The following CRYM variants were observed in gnomAD, a reference collection of about 807,000 sequenced individuals.
CRYM encodes the protein crystallin mu, also known as ketimine reductase mu-crystallin.
In CRYM, 18 loss-of-function variants were observed where a neutral mutation model predicts 32.9. The ratio of observed to expected loss-of-function variants is 0.55; its 90% confidence interval spans 0.38 to 0.81. The LOEUF (loss-of-function observed/expected upper bound fraction) is 0.81, where lower values mean the gene tolerates loss of function less well. Ranked by LOEUF, CRYM falls within the 30% of genes least tolerant of loss-of-function variation. The pLI, the probability that CRYM is intolerant of heterozygous loss-of-function variation, is 0.00. For synonymous variants in CRYM, 153 were observed against 152.4 expected, an observed-to-expected ratio of 1.00 and a Z score of -0.03; for missense variants, 337 against 393.5, an observed-to-expected ratio of 0.86 and a Z score of 1.21.
intron 3 of CRYM, among the ~76,000 whole-genome samples, chr16:21,270,410 T>C (rs1167936628): frequency 6.6e-6 from 1 of 151,940 alleles, no homozygotes; most frequent in East Asian, 1.9e-4. Context: ...CAGCCCCCCG[T>C]GGAGCTGGGA....
chr16:21,261,585 C>A (rs2093354566), intron 6 of CRYM: 1 of 568,248 alleles, frequency 1.8e-6, no homozygotes, highest in African/African-American at 1.9e-5. Context: ...GCTCAGGGAG[C>A]TGTCCTGCCA....
chr16:21,259,825 G>C (rs981614216), intron 7 of CRYM, among the ~76,000 whole-genome samples: 1 of 152,172 alleles, frequency 6.6e-6, no homozygotes, highest in African/African-American at 2.4e-5. Context: ...TTAGGTGCTT[G>C]ATACGCATCT....
At chr16:21,261,464 A>C in intron 6 of CRYM, 126 bp from the exon 7 acceptor site, 1 of 702,218 alleles carries the variant, frequency 1.4e-6, no homozygotes. Context: ...AAAAAAAAAA[A>C]GAGAGAGATC....
chr16:21,281,268 T>G (rs2093397824), upstream of CRYM, among the ~76,000 whole-genome samples: 1 of 151,540 alleles, frequency 6.6e-6, no homozygotes, highest in East Asian at 1.9e-4. Flanking sequence ...ATAAATTTTT[T>G]TTTTGAAACA....
At chr16:21,262,283 T>G in intron 5 of CRYM, 125 bp from the exon 6 acceptor site, 18 of 1,145,438 alleles carry the variant, frequency 1.6e-5, no homozygotes, top group East Asian at 2.6e-5. Context: ...TACCCCCTCA[T>G]TCCCCAGGCC....
intron 1 of CRYM, among the ~76,000 whole-genome samples, chr16:21,301,751 G>A (rs958661556): frequency 1.3e-5 from 2 of 152,210 alleles, no homozygotes; most frequent in Non-Finnish European, 2.9e-5. Context: ...GCTCCCGGCC[G>A]GGTCCGCGCG....
chr16:21,297,404 A>G (rs1334633015), intron 1 of CRYM, among the ~76,000 whole-genome samples: 1 of 152,186 alleles, frequency 6.6e-6, no homozygotes, highest in Non-Finnish European at 1.5e-5. Flanking sequence ...AAAAAAAGAG[A>G]AAAGAGTCAC....
intron 1 of CRYM, among the ~76,000 whole-genome samples, chr16:21,286,819 A>G (rs1189191555): frequency 1.3e-5 from 2 of 152,220 alleles, no homozygotes; most frequent in East Asian, 3.9e-4. Context: ...GGCCGGGCGC[A>G]GTGGCTCACT....
chr16:21,301,154 G>A (rs567890425), intron 1 of CRYM: 7 of 152,504 alleles, frequency 4.6e-5, no homozygotes, highest in African/African-American at 1.7e-4. Flanking sequence ...CTAAACTCCA[G>A]TAGACCCTGA....
intron 1 of CRYM, chr16:21,302,851 CAG>C (rs1309643271): frequency 6.6e-6 from 1 of 152,206 alleles, no homozygotes; most frequent in East Asian, 1.9e-4. Context: ...TATCTCAAGA[CAG>C]AGAAAGAATT....
upstream of CRYM, chr16:21,278,341 G>A: frequency 1.3e-6 from 2 of 1,481,884 alleles, no homozygotes; most frequent in Non-Finnish European, 1.8e-6. Flanking sequence ...GCTGCTCTGT[G>A]GAGCCGCCTG....
chr16:21,294,514 CCT>C (rs1406817664), intron 1 of CRYM, among the ~76,000 whole-genome samples: 2 of 151,820 alleles, frequency 1.3e-5, no homozygotes, highest in African/African-American at 4.8e-5. Flanking sequence ...CCCGCCACCC[CCT>C]GACAGGTCTC....
chr16:21,289,306 C>T (rs960051168), intron 1 of CRYM, among the ~76,000 whole-genome samples: 1 of 152,110 alleles, frequency 6.6e-6, no homozygotes, highest in African/African-American at 2.4e-5. Flanking sequence ...CATGAATTAA[C>T]CCATTTAATA....
chr16:21,293,079 AAT>A (rs1000093621), intron 1 of CRYM, among the ~76,000 whole-genome samples: 2 of 152,170 alleles, frequency 1.3e-5, no homozygotes, highest in African/African-American at 4.8e-5. Context: ...AGAGTCCAAA[AAT>A]AGATTCATAC....
At chr16:21,260,598 C>T (rs1245188910) in intron 7 of CRYM, among the ~76,000 whole-genome samples, 1 of 152,196 alleles carries the variant, frequency 6.6e-6, no homozygotes, top group Non-Finnish European at 1.5e-5. Flanking sequence ...CCGAGCTCAG[C>T]CTGTTCCCAT....
intron 1 of CRYM, among the ~76,000 whole-genome samples, chr16:21,294,584 T>C (rs765853383): frequency 5.3e-5 from 8 of 152,118 alleles, no homozygotes; most frequent in Non-Finnish European, 1.2e-4. Context: ...CTCCCACTTA[T>C]GAGTGAGAAC....
Position 21,269,770 on chromosome 16 carries a change from AC to A in CRYM, c.489+19del. 7.1e-6 allele frequency: 3 copies of A among 421,278 alleles called. No individual in the cohort carries two copies. The highest frequency in any genetic ancestry group is 1.3e-5 in the Non-Finnish European group (3 of 228,424). 26.1% of individuals were successfully genotyped at this position (421,278 alleles called of 1,614,324 possible). A position where few individuals can be genotyped will look rare whatever the true frequency, so the allele number is the denominator to read the frequency against. The stretch of plus-strand genomic sequence containing the variant: ...ACCACCCCCTTCCCTCTTCTCTCCC[AC>A]CCCCACCCCTGGACTTACCTCCTTA... On this transcript the variant is annotated intron_variant, in intron 4 of 7. Coordinates refer to ENST00000572914, the MANE Select transcript of CRYM (RefSeq NM_001376256.1).
intron 5 of CRYM, among the ~76,000 whole-genome samples, chr16:21,265,498 C>T (rs1342629175): frequency 1.3e-5 from 2 of 152,162 alleles, no homozygotes; most frequent in African/African-American, 2.4e-5. Context: ...TTGTTCTTTC[C>T]GGTCTCATCT....
chr16:21,282,099 G>A (rs2093399254), upstream of CRYM, among the ~76,000 whole-genome samples: 1 of 152,170 alleles, frequency 6.6e-6, no homozygotes, highest in Non-Finnish European at 1.5e-5. Flanking sequence ...TCTTTCCCCT[G>A]CGGTTCTGAT....
Sources: gnomAD v4.1 joint callset for allele counts (sites outside exome capture counted in the v4.1 genomes callset) on GRCh38, gnomAD v4.1.1 for gene constraint, MANE v1.5 for transcripts, NCBI Gene and HGNC (gene_info 2026-07-23, HGNC 2026-07-21) for gene names.